The following NAALADL2 variants were observed in gnomAD, a reference collection of about 807,000 sequenced individuals.
The protein encoded by NAALADL2 is inactive N-acetylated-alpha-linked acidic dipeptidase-like protein 2.
In NAALADL2, 76 loss-of-function variants were observed where a neutral mutation model predicts 87.2. The ratio of observed to expected loss-of-function variants is 0.87; its 90% CI spans 0.72 to 1.05. NAALADL2 has a LOEUF of 1.05. Ranked by LOEUF, NAALADL2 falls within the 50% of genes least tolerant of loss-of-function variation. The probability of loss-of-function intolerance (pLI) is 0.00; values close to 1 mark genes in which losing one functional copy is unlikely to be tolerated. For missense variants in NAALADL2, 1,089 were observed against 945.8 expected, an observed-to-expected ratio of 1.15 and a Z score of -1.99; for synonymous variants, 354 against 331.0, an observed-to-expected ratio of 1.07 and a Z score of -0.75.
At chr3:175,669,363 G>A (rs553081487) in intron 11 of NAALADL2, among the ~76,000 whole-genome samples, 2 of 152,070 alleles carry the variant, frequency 1.3e-5, no homozygotes, top group East Asian at 3.9e-4. Context: ...ATAAGTTGTA[G>A]GACGATGCAG....
intron 1 of NAALADL2, among the ~76,000 whole-genome samples, chr3:174,452,449 G>A (rs1715551210): frequency 6.6e-6 from 1 of 152,084 alleles, no homozygotes; most frequent in South Asian, 2.1e-4. Context: ...TGCTGCTTCT[G>A]GTATGTGTGA....
At chr3:175,591,784 G>GTGTGTATATATA (rs1443245536) in intron 10 of NAALADL2, among the ~76,000 whole-genome samples, 12 of 137,016 alleles carry the variant, frequency 8.8e-5, no homozygotes, top group Non-Finnish European at 1.1e-4. Context: ...GTGTGTGTGT[G>GTGTGTATATATA]TATATATATA....
rs148630261 is a variant in NAALADL2, at chr3:175,449,475, A to G, written c.1234+2103A>G. On this transcript the variant is annotated intron_variant, in intron 6 of 13. Coordinates refer to ENST00000454872, the MANE Select transcript of NAALADL2 (RefSeq NM_207015.3). ...CAGTGGCACAGTCTCGGCTCACTGC[A>G]AGCTCCGCCTCCCGGGTTCACACCA... 9.4e-3 allele frequency among the ~76,000 whole-genome samples: 1,358 copies of G among 145,112 alleles called. 16 individuals are homozygous for G. Among genetic ancestry groups the G allele is most frequent in the African/African-American group, 0.032 (1,249 of 38,976 alleles).
At chr3:174,566,502 A>G (rs1246992167) in intron 2 of NAALADL2, among the ~76,000 whole-genome samples, 1 of 151,640 alleles carries the variant, frequency 6.6e-6, no homozygotes, top group East Asian at 1.9e-4. Flanking sequence ...TATTCTTTTA[A>G]TTGCTTTCAC....
chr3:174,893,072 C>T (rs549064564), intron 1 of NAALADL2, among the ~76,000 whole-genome samples: 1 of 152,168 alleles, frequency 6.6e-6, no homozygotes, highest in South Asian at 2.1e-4. Flanking sequence ...GAAACAATAA[C>T]TTAAAGTGGA....
intron 1 of NAALADL2, among the ~76,000 whole-genome samples, chr3:175,087,657 A>G (rs1055261210): frequency 2.6e-5 from 4 of 152,106 alleles, no homozygotes; most frequent in African/African-American, 9.7e-5. Flanking sequence ...TCAGGGTTAA[A>G]TGGATTAAGG....
At chr3:175,216,116 T>C (rs1742476146) in intron 2 of NAALADL2, among the ~76,000 whole-genome samples, 1 of 152,214 alleles carries the variant, frequency 6.6e-6, no homozygotes, top group Non-Finnish European at 1.5e-5. Flanking sequence ...GCCTGGATTC[T>C]TATTTGATTT....
intron 1 of NAALADL2, among the ~76,000 whole-genome samples, chr3:175,061,100 A>G (rs1386287791): frequency 1.3e-5 from 2 of 152,202 alleles, no homozygotes; most frequent in African/African-American, 4.8e-5. Context: ...AATTTTATAA[A>G]TACATAGTCA....
rs115773866 is a variant in NAALADL2, at chr3:175,563,334, T to C, written c.1654-12707T>C. ...TGATGTCTGTACACACTTACTGACTTCCTACAGATGCCTAATGGGATTCAC... is the reference window on the plus strand; with the variant it reads ...TGATGTCTGTACACACTTACTGACTCCCTACAGATGCCTAATGGGATTCAC... On this transcript the variant is annotated intron_variant, in intron 9 of 13. Coordinates refer to ENST00000454872, the MANE Select transcript of NAALADL2 (RefSeq NM_207015.3). Among the ~76,000 whole-genome samples, 136 of 152,336 alleles carry C rather than the reference T, an allele frequency of 8.9e-4. 1 individual carries two copies. Among genetic ancestry groups the C allele is most frequent in the Admixed American group, 4.6e-3 (71 of 15,300 alleles).
chr3:174,530,607 C>G (rs888769021), intron 1 of NAALADL2, among the ~76,000 whole-genome samples: 1 of 152,184 alleles, frequency 6.6e-6, no homozygotes, highest in African/African-American at 2.4e-5. Flanking sequence ...CTGGGGAGGC[C>G]TCACAATCAC....
chr3:174,872,951 T>C (rs1728022809), intron 1 of NAALADL2, among the ~76,000 whole-genome samples: 1 of 152,188 alleles, frequency 6.6e-6, no homozygotes. Flanking sequence ...GGAGTTTATA[T>C]TGACTTTTCT....
intron 3 of NAALADL2, among the ~76,000 whole-genome samples, chr3:174,831,601 ATCAGAATGATGCTGGTC>A (rs1474291181): frequency 2.0e-5 from 3 of 151,208 alleles, no homozygotes; most frequent in Non-Finnish European, 4.4e-5. Context: ...TGGCTTTGGT[ATCAGAATGATGCTGGTC>A]TCATAAAAAG....
At chr3:175,214,664 C>T (rs1450213023) in intron 2 of NAALADL2, among the ~76,000 whole-genome samples, 8 of 151,982 alleles carry the variant, frequency 5.3e-5, no homozygotes, top group Admixed American at 4.6e-4. Flanking sequence ...GCTGTTAGAA[C>T]AATGAAGGTA....
chr3:174,765,473 A>T (rs1447355526), intron 3 of NAALADL2, among the ~76,000 whole-genome samples: 1 of 152,034 alleles, frequency 6.6e-6, no homozygotes, highest in African/African-American at 2.4e-5. Context: ...ACTTGGTTTT[A>T]TGTTAGGTGG....
chr3:175,604,983 A>G (rs1432719554), intron 10 of NAALADL2, among the ~76,000 whole-genome samples: 1 of 152,196 alleles, frequency 6.6e-6, no homozygotes, highest in Admixed American at 6.5e-5. Flanking sequence ...AGACGGTATC[A>G]CAGGTTCTGC....
intron 1 of NAALADL2, among the ~76,000 whole-genome samples, chr3:174,875,851 T>G (rs1413510113): frequency 2.6e-5 from 4 of 152,118 alleles, no homozygotes; most frequent in African/African-American, 7.2e-5. Context: ...CATGGACCAT[T>G]AAAGCCAAAT....
At chr3:175,760,369 T>A (rs1441501503) in intron 13 of NAALADL2, among the ~76,000 whole-genome samples, 1 of 152,160 alleles carries the variant, frequency 6.6e-6, no homozygotes. Context: ...GCCTCTGTTT[T>A]CAAGGGGACA....
intron 5 of NAALADL2, among the ~76,000 whole-genome samples, chr3:175,383,833 T>C (rs1296203316): frequency 1.3e-5 from 2 of 152,088 alleles, no homozygotes; most frequent in African/African-American, 2.4e-5. Flanking sequence ...TATGTGTTTA[T>C]ATGCAGCAAA....
intron 1 of NAALADL2, among the ~76,000 whole-genome samples, chr3:174,908,041 T>C (rs1733191674): frequency 7.6e-6 from 1 of 132,340 alleles, no homozygotes; most frequent in South Asian, 2.5e-4. Flanking sequence ...TTTTTTTTTT[T>C]TTTGGCCTGA....
Sources: gnomAD v4.1 joint callset for allele counts (sites outside exome capture counted in the v4.1 genomes callset) on GRCh38, gnomAD v4.1.1 for gene constraint, MANE v1.5 for transcripts, NCBI Gene and HGNC (gene_info 2026-07-23, HGNC 2026-07-21) for gene names.